The following UBXN4 variants were observed in gnomAD, a reference collection of about 807,000 sequenced individuals.
UBXN4 encodes the protein UBX domain protein 4.
UBXN4 carries 35 observed loss-of-function variants against 66.2 expected under a neutral mutation model. The ratio of observed to expected loss-of-function variants is 0.53; its 90% CI spans 0.40 to 0.70. The LOEUF is 0.70. Ranked by LOEUF, UBXN4 falls within the 30% of genes least tolerant of loss-of-function variation. UBXN4 has a pLI of 0.00. For missense variants in UBXN4, 533 were observed against 599.8 expected (o/e 0.89, Z 1.16); for synonymous variants, 203 against 204.5 (o/e 0.99, Z 0.06).
chr2:135,757,111 A>G (rs1351828604), intron 5 of UBXN4, among the ~76,000 whole-genome samples: 1 of 152,102 alleles, frequency 6.6e-6, no homozygotes, highest in Non-Finnish European at 1.5e-5. Flanking sequence ...CAAGTTTGGG[A>G]ATTTTGGTCC....
At position 135,781,583 on chromosome 2, in the gene UBXN4, G is replaced by A. The variant is rs12617715; in HGVS notation, c.1389-1166G>A. On this transcript the variant is annotated intron_variant, in intron 12 of 12. Transcript: ENST00000272638. ...ATAGGTAATGACATATAAGTATTGT[G>A]ATTGGGCTGCTTTGTCCTTTATCTT... Among the ~76,000 whole-genome samples, 1,587 of 152,262 alleles carry A rather than the reference G, an allele frequency of 0.01. 99 individuals carry two copies. In the East Asian group the frequency reaches 0.19, roughly 18 times the overall value.
At chr2:135,776,499 T>A in intron 10 of UBXN4, 148 bp downstream of exon 10, 1 of 618,916 alleles carries the variant, frequency 1.6e-6, no homozygotes, top group Non-Finnish European at 2.8e-6. Flanking sequence ...ATTGTGGAAA[T>A]TCTGTCGGGT....
intron 8 of UBXN4, 131 bp from the exon 9 acceptor site, chr2:135,772,289 C>G: frequency 1.8e-6 from 2 of 1,109,272 alleles, no homozygotes; most frequent in South Asian, 3.2e-5. Context: ...TGCCACTGCA[C>G]TCCAGCCTTG....
chr2:135,777,307 T>G (rs1412848185), intron 10 of UBXN4, among the ~76,000 whole-genome samples: 2 of 152,212 alleles, frequency 1.3e-5, no homozygotes, highest in African/African-American at 4.8e-5. Context: ...TTCATATATA[T>G]AATTTCAAGG....
intron 9 of UBXN4, 53 bp downstream of exon 9, chr2:135,772,600 G>A: frequency 6.2e-7 from 1 of 1,602,204 alleles, no homozygotes; most frequent in Non-Finnish European, 8.5e-7. Flanking sequence ...TGAGGAGAAT[G>A]ATTATAAGCT....
chr2:135,778,259 A>C (rs756370750), intron 10 of UBXN4, among the ~76,000 whole-genome samples: 1 of 151,718 alleles, frequency 6.6e-6, no homozygotes, highest in African/African-American at 2.4e-5. Context: ...GTGTATCTTT[A>C]GAACAGTGAG....
chr2:135,749,317 C>T (rs1004026269), intron 2 of UBXN4, among the ~76,000 whole-genome samples: 2 of 152,168 alleles, frequency 1.3e-5, no homozygotes, highest in African/African-American at 4.8e-5. Flanking sequence ...GGAATGGAGT[C>T]ATTTAATCAG....
intron 5 of UBXN4, 140 bp from the exon 6 acceptor site, chr2:135,761,678 A>T: frequency 1.5e-6 from 1 of 645,556 alleles, no homozygotes; most frequent in South Asian, 3.6e-5. Context: ...TAGCATATTT[A>T]GCTCCTTCTC....
chr2:135,742,862 C>G (rs900528676), intron 1 of UBXN4: 1 of 152,036 alleles, frequency 6.6e-6, no homozygotes, highest in Non-Finnish European at 1.5e-5. Context: ...TCCTTGGTTT[C>G]TTCCCTTTGT....
chr2:135,752,742 A>T (rs2077251954), intron 2 of UBXN4, among the ~76,000 whole-genome samples: 1 of 152,250 alleles, frequency 6.6e-6, no homozygotes, highest in South Asian at 2.1e-4. Context: ...CTCTTTTGAG[A>T]TGAAGTCTCA....
At chr2:135,759,291 TAAC>T (rs1435161158) in intron 5 of UBXN4, among the ~76,000 whole-genome samples, 2 of 152,132 alleles carry the variant, frequency 1.3e-5, no homozygotes, top group Non-Finnish European at 2.9e-5. Flanking sequence ...TTTTTAAAAA[TAAC>T]AACAATACTA....
At chr2:135,745,785 C>T (rs1456403893) in intron 1 of UBXN4, among the ~76,000 whole-genome samples, 1 of 150,260 alleles carries the variant, frequency 6.7e-6, no homozygotes, top group Non-Finnish European at 1.5e-5. Flanking sequence ...AGTAACTTCT[C>T]GTTATTTTGC....
At chr2:135,763,750 C>T (rs1264021613) in intron 6 of UBXN4, among the ~76,000 whole-genome samples, 1 of 151,958 alleles carries the variant, frequency 6.6e-6, no homozygotes, top group Non-Finnish European at 1.5e-5. Context: ...CACCTGAGCC[C>T]AGGAGGTCAA....
chr2:135,756,195 A>G (rs1314439085), intron 5 of UBXN4, among the ~76,000 whole-genome samples: 1 of 152,136 alleles, frequency 6.6e-6, no homozygotes, highest in Non-Finnish European at 1.5e-5. Flanking sequence ...CAAAAGAGAA[A>G]TTTTTGGGAT....
At position 135,778,888 on chromosome 2, in the gene UBXN4, C is replaced by A. The variant is rs1224727782; in HGVS notation, c.1054-60C>A. On this transcript the variant is annotated intron_variant, in intron 10 of 12. Transcript: ENST00000272638. ...GTTAATTAAAGCATCATTTTGGATTCATCTGAGTAATATCTTACTTTTAAA... is the reference window on the plus strand; with the variant it reads ...GTTAATTAAAGCATCATTTTGGATTAATCTGAGTAATATCTTACTTTTAAA... 2.7e-6 allele frequency: 4 copies of A among 1,465,280 alleles called. No homozygotes were observed. The East Asian group carries it at 9.5e-5, about 35-fold the overall frequency. 90.8% of individuals were successfully genotyped at this position (1,465,280 alleles called of 1,614,324 possible).
chr2:135,780,311 T>G lies in UBXN4; in HGVS notation c.1314T>G (p.Pro438=), dbSNP rs201807021. 2,827 of 1,614,126 alleles carry G rather than the reference T, an allele frequency of 1.8e-3. 24 individuals are homozygous for G. Among genetic ancestry groups the G allele is most frequent in the Middle Eastern group, 9.9e-4 (6 of 6,062 alleles). The change falls in exon 12 of 13, where the codon CCT becomes CCG. Residue 438 remains proline, a synonymous_variant. Coordinates refer to ENST00000272638, the MANE Select transcript of UBXN4 (RefSeq NM_014607.4). ...LISNFLFSNP[P]PTQTSVRVTS... ...GCAATTTCTTGTTTAGTAATCCGCC[T>G]CCCACACAGACTTCAGTGAGAGTAA...
At chr2:135,753,951 A>AT (rs1324763208) in intron 3 of UBXN4, 18 of 502,350 alleles carry the variant, frequency 3.6e-5, no homozygotes, top group African/African-American at 3.4e-4. Flanking sequence ...AATGTAGTAG[A>AT]TTCTTCACTA....
intron 1 of UBXN4, among the ~76,000 whole-genome samples, chr2:135,746,412 G>A (rs1476774138): frequency 6.6e-6 from 1 of 152,152 alleles, no homozygotes; most frequent in Non-Finnish European, 1.5e-5. Flanking sequence ...ATTCTAGTTA[G>A]GGGAGACAGA....
intron 1 of UBXN4, among the ~76,000 whole-genome samples, chr2:135,743,133 T>TAATA (rs1207062609): frequency 6.6e-6 from 1 of 152,246 alleles, no homozygotes; most frequent in Non-Finnish European, 1.5e-5. Context: ...ACTCGTCTTT[T>TAATA]AATAGCTCTA....
Sources: allele counts gnomAD v4.1 joint callset (sites outside exome capture counted in the v4.1 genomes callset), GRCh38; gene constraint gnomAD v4.1.1; transcripts MANE v1.5; gene names NCBI Gene and HGNC (gene_info 2026-07-23, HGNC 2026-07-21).